IFT172: variants seen among roughly 807,000 people sequenced by gnomAD.
The protein encoded by IFT172 is intraflagellar transport 172, also known as intraflagellar transport protein 172 homolog.
In IFT172, 164 loss-of-function variants were observed where a neutral mutation model predicts 248.9. The observed-to-expected ratio is 0.66, with a 90% confidence interval of 0.58 to 0.75. The LOEUF (loss-of-function observed/expected upper bound fraction) is 0.75. IFT172 is among the 30% of genes least tolerant of loss of function. IFT172 has a pLI of 0.00. For synonymous variants in IFT172, 729 were observed against 791.6 expected (o/e 0.92, Z 1.33); for missense variants, 1,950 against 2,192.4 (o/e 0.89, Z 2.21).
chr2:27,475,608 T>C (rs1165018695), intron 14 of IFT172: 1 of 152,150 alleles, frequency 6.6e-6, no homozygotes, highest in African/African-American at 2.4e-5. Flanking sequence ...AAAATATCAT[T>C]ATTTATAGCT....
rs1487026215 is a variant in IFT172 at position 27,485,042 on chromosome 2, T to C, written c.272A>G (p.Tyr91Cys). The change falls in exon 3 of 48, where the codon TAT becomes TGT. Residue 91 changes from tyrosine (Y) to cysteine (C), a missense_variant. Around this residue, in one of 3 missense-constraint regions of IFT172, gnomAD observed 1,166 missense variants for 1,254.1 expected, o/e 0.93. Transcript: ENST00000260570. Reference protein sequence around the residue: ...IAIGQTDNIIYVYKIGEDWGD... With the variant: ...IAIGQTDNIICVYKIGEDWGD... ...CCAATCTTCTCCAATCTTGTAGACA[T>C]AGATGATGTTGTCAGTCTGTCCTAT... 3.1e-6 allele frequency: 5 copies of C among 1,591,598 alleles called. No homozygotes were observed. The highest frequency in any genetic ancestry group is 2.7e-5 in the African/African-American group (2 of 74,272).
chr2:27,488,401 G>A (rs1005491208), intron 1 of IFT172, among the ~76,000 whole-genome samples: 2 of 151,992 alleles, frequency 1.3e-5, no homozygotes, highest in African/African-American at 2.4e-5. Context: ...TGATCCGCCC[G>A]CCTCGGCCTC....
intron 14 of IFT172, among the ~76,000 whole-genome samples, chr2:27,473,372 A>C (rs1041381784): frequency 6.7e-6 from 1 of 148,456 alleles, no homozygotes; most frequent in Non-Finnish European, 1.5e-5. Flanking sequence ...TCTGTCTCAA[A>C]AAAAAAAAAA....
chr2:27,470,639 C>T (rs1667494109), intron 16 of IFT172: 2 of 285,622 alleles, frequency 7.0e-6, no homozygotes, highest in African/African-American at 4.3e-5. Flanking sequence ...GACATTAGAA[C>T]TGCCTCTCCT....
rs1156246768 is a variant in IFT172, at chr2:27,466,883, G to C, written c.1693-1001C>G. On this transcript the variant is annotated intron_variant, in intron 16 of 47. Transcript: ENST00000260570. ...AAAAAAAAATTATCTGGGTGTGGTT[G>C]CATGTGCCTGTAGTCCCAGCTACTC... is the stretch of plus-strand genomic sequence containing the variant. Among the ~76,000 whole-genome samples, 4 of 152,006 alleles carry C rather than the reference G, an allele frequency of 2.6e-5. No homozygotes were observed. In the East Asian group the frequency reaches 7.7e-4, roughly 29 times the overall value.
chr2:27,478,754 A>ATT (rs1197862866), intron 10 of IFT172, among the ~76,000 whole-genome samples: 2 of 152,248 alleles, frequency 1.3e-5, no homozygotes, highest in Non-Finnish European at 2.9e-5. Flanking sequence ...TCTGGAAAGA[A>ATT]CAAAAGAATG....
rs2148474325 is a variant in IFT172 at position 27,448,066 on chromosome 2, GATTTTTATTTTTATTT to G, written c.4429-160_4429-145del. On this transcript the variant is annotated intron_variant, in intron 40 of 47. Coordinates refer to ENST00000260570, the MANE Select transcript of IFT172 (RefSeq NM_015662.3). ...GTGCAAGGGCTGGGGGACAGTGGCA[GATTTTTATTTTTATTT>G]ATTTTTATTTTTTTAATTTTATTTA... 7.2e-6 allele frequency: 3 copies of G among 416,696 alleles called. 1 individual carries two copies. The highest frequency in any genetic ancestry group is 1.3e-5 in the Non-Finnish European group (3 of 234,660). 25.8% of individuals were successfully genotyped at this position (416,696 alleles called of 1,614,324 possible). A position where few individuals can be genotyped will look rare whatever the true frequency, so the allele number is the denominator to read the frequency against.
intron 21 of IFT172, 75 bp downstream of exon 21, chr2:27,461,684 C>G: frequency 1.3e-6 from 2 of 1,592,500 alleles, no homozygotes; most frequent in Non-Finnish European, 1.7e-6. Flanking sequence ...TTTCTATGGC[C>G]TCCTTGACAA....
intron 5 of IFT172, 64 bp downstream of exon 5, chr2:27,483,808 A>G: frequency 2.0e-6 from 3 of 1,470,324 alleles, no homozygotes; most frequent in Admixed American, 3.3e-5. Context: ...GATGAACCAT[A>G]TTCCTCTCTC....
chr2:27,479,713 G>C, intron 9 of IFT172, 109 bp from the exon 10 acceptor site: 3 of 798,826 alleles, frequency 3.8e-6, no homozygotes, highest in South Asian at 3.0e-5. Context: ...GAGAAGAGTT[G>C]GCAGTGAAAG....
intron 47 of IFT172, among the ~76,000 whole-genome samples, 181 bp downstream of exon 47, chr2:27,444,833 A>T (rs1032366724): frequency 3.9e-5 from 6 of 151,902 alleles, no homozygotes; most frequent in Non-Finnish European, 7.3e-5. Flanking sequence ...TTTTTAGTAG[A>T]GACGAGGTTT....
At chr2:27,446,407 C>G (rs1255613478) in intron 42 of IFT172, 52 bp from the exon 43 acceptor site, 1 of 1,500,552 alleles carries the variant, frequency 6.7e-7, no homozygotes. Flanking sequence ...GACTGAGCTA[C>G]CAGACCAATG....
At chr2:27,477,634 G>A (rs1233829181) in intron 11 of IFT172, 22 bp from the exon 12 acceptor site, 5 of 1,531,710 alleles carry the variant, frequency 3.3e-6, no homozygotes, top group Non-Finnish European at 4.5e-6. Flanking sequence ...GAAGACTTAA[G>A]AAGCAATGTG....
At chr2:27,479,452 T>C in intron 10 of IFT172, 57 bp downstream of exon 10, 1 of 946,904 alleles carries the variant, frequency 1.1e-6, no homozygotes, top group Non-Finnish European at 1.7e-6. Context: ...AGGGAAATGT[T>C]ATAAGGAGGA....
chr2:27,454,166 C>T lies in IFT172; in HGVS notation c.3531-4G>A, dbSNP rs755851011. 1.2e-6 allele frequency: 2 copies of T among 1,610,452 alleles called. No homozygotes were observed. Among genetic ancestry groups the T allele is most frequent in the South Asian group, 2.2e-5 (2 of 90,730 alleles). ...CCAATCCTGGTTATGGACAAACCTG[C>T]CTCCAGGTGGGGACAGAGGAGAGAC... is the stretch of plus-strand genomic sequence containing the variant. On this transcript the variant is annotated splice_polypyrimidine_tract_variant and splice_region_variant and intron_variant, in intron 32 of 47. Transcript: ENST00000260570. The surrounding 1 kb of genome is among the most constrained non-coding windows in gnomAD (Gnocchi z 4.2).
At chr2:27,464,670 G>C (rs994111925) in intron 18 of IFT172, among the ~76,000 whole-genome samples, 1 of 151,858 alleles carries the variant, frequency 6.6e-6, no homozygotes, top group South Asian at 2.1e-4. Flanking sequence ...CCAGGCTGGA[G>C]TGCAGTTGCA....
intron 30 of IFT172, chr2:27,455,734 T>C: frequency 2.5e-6 from 1 of 399,818 alleles, no homozygotes. Context: ...AAAAGAAAAA[T>C]GGCAGAATAA....
chr2:27,444,396 G>T lies in IFT172; in HGVS notation c.*36C>A. ...TCTCAATTATTTATAAAACTTTAAT[G>T]AGGGAGAGGCCCTAACTCTTCCTCA... On this transcript the variant is annotated 3_prime_UTR_variant, in exon 48 of 48. Transcript: ENST00000260570. 7.4e-7 allele frequency: 1 copy of T among 1,348,668 alleles called. No individual in the cohort carries two copies. Among genetic ancestry groups the T allele is most frequent in the Non-Finnish European group, 1.1e-6 (1 of 947,722 alleles). The allele number at this position is 1,348,668 out of a possible 1,614,324, so 83.5% of individuals were successfully genotyped here.
At position 27,453,610 on chromosome 2, in the gene IFT172, C is replaced by A. The variant is rs747215115; in HGVS notation, c.3821+20G>T. ...ACCCTCCCAGCCCTGCCAATGCTGC[C>A]TGGACCTCTGGCCTCATACCTGGCC... On this transcript the variant is annotated intron_variant, in intron 34 of 47. Transcript: ENST00000260570. 11 of 1,608,646 alleles carry A rather than the reference C, an allele frequency of 6.8e-6. No homozygotes were observed. The highest frequency in any genetic ancestry group is 1.7e-5 in the Admixed American group (1 of 59,606).
Sources: gnomAD v4.1 joint callset for allele counts (sites outside exome capture counted in the v4.1 genomes callset) on GRCh38, gnomAD v4.1.1 for gene constraint, gnomAD v4.1.1 regional missense constraint, Gnocchi (gnomAD v3.1) non-coding constraint, MANE v1.5 for transcripts, NCBI Gene and HGNC (gene_info 2026-07-23, HGNC 2026-07-21) for gene names.